PRKN: variants seen among roughly 807,000 people sequenced by gnomAD.
The protein encoded by PRKN is E3 ubiquitin-protein ligase parkin.
PRKN carries 56 observed loss-of-function variants against 59.5 expected under a neutral mutation model. The observed-to-expected ratio is 0.94, with a 90% confidence interval of 0.76 to 1.18. The LOEUF (loss-of-function observed/expected upper bound fraction) is 1.18. PRKN is among the 50% of genes most tolerant of loss of function. The pLI is 0.00. For missense variants in PRKN, 657 were observed against 596.4 expected (o/e 1.10, Z -1.06); for synonymous variants, 250 against 222.1 (o/e 1.13, Z -1.12).
At chr6:162,126,872 T>G (rs1781147781) in intron 4 of PRKN, among the ~76,000 whole-genome samples, 1 of 152,238 alleles carries the variant, frequency 6.6e-6, no homozygotes, top group Non-Finnish European at 1.5e-5. Flanking sequence ...TGTTTAATAT[T>G]TTCCTCATGT....
At chr6:162,060,909 A>G (rs1778076182) in intron 4 of PRKN, among the ~76,000 whole-genome samples, 1 of 152,226 alleles carries the variant, frequency 6.6e-6, no homozygotes, top group Middle Eastern at 3.2e-3. Flanking sequence ...CTCTTGAATA[A>G]TCCACAAACA....
At chr6:162,638,497 C>T (rs1321005562) in intron 1 of PRKN, among the ~76,000 whole-genome samples, 2 of 152,098 alleles carry the variant, frequency 1.3e-5, no homozygotes, top group African/African-American at 4.8e-5. Context: ...TATACCCTTC[C>T]GCCTCCCATC....
intron 2 of PRKN, among the ~76,000 whole-genome samples, chr6:162,387,698 C>A (rs766813583): frequency 2.0e-5 from 3 of 151,898 alleles, no homozygotes; most frequent in Non-Finnish European, 4.4e-5. Flanking sequence ...AAAGTGGAAT[C>A]AACAGAGCAT....
At chr6:162,311,607 C>A (rs1050216650) in intron 2 of PRKN, among the ~76,000 whole-genome samples, 1 of 151,594 alleles carries the variant, frequency 6.6e-6, no homozygotes, top group African/African-American at 2.4e-5. Context: ...CTCAGCCTCC[C>A]AAATAGCTGG....
chr6:162,692,690 A>G (rs963765812), intron 1 of PRKN, among the ~76,000 whole-genome samples: 54 of 152,322 alleles, frequency 3.5e-4, no homozygotes, highest in Middle Eastern at 3.4e-3. Flanking sequence ...CAAATCCACC[A>G]GGACAGGACA....
chr6:162,216,024 C>A (rs972426685), intron 3 of PRKN, among the ~76,000 whole-genome samples: 1 of 151,902 alleles, frequency 6.6e-6, no homozygotes, highest in Non-Finnish European at 1.5e-5. Context: ...CTCCAGCCTG[C>A]GCTACACAGT....
intron 4 of PRKN, among the ~76,000 whole-genome samples, chr6:162,126,273 T>A (rs1167351365): frequency 1.3e-5 from 2 of 152,192 alleles, no homozygotes; most frequent in African/African-American, 4.8e-5. Flanking sequence ...CATGTGGACG[T>A]GCTATCAGGG....
intron 1 of PRKN, among the ~76,000 whole-genome samples, chr6:162,464,212 A>AT (rs780719060): frequency 1.1e-4 from 17 of 151,744 alleles, no homozygotes; most frequent in Admixed American, 3.3e-4. Flanking sequence ...GGCGATTACT[A>AT]TTTTTTTTAC....
rs369547291 is a variant in PRKN, at chr6:162,616,377, T to C, written c.7+111285A>G. Among the ~76,000 whole-genome samples, 18 of 152,236 alleles carry C rather than the reference T, an allele frequency of 1.2e-4. No individual in the cohort carries two copies. The East Asian group carries it at 1.7e-3, about 15-fold the overall frequency. ...AGTCAATCAATCCTTGCTGAATAAA[T>C]AGACTTAGCAATGTGCACAACTTCT... On this transcript the variant is annotated intron_variant, in intron 1 of 11. Coordinates refer to ENST00000366898, the MANE Select transcript of PRKN (RefSeq NM_004562.3).
chr6:162,191,149 GCATT>G (rs1295537952), intron 4 of PRKN, among the ~76,000 whole-genome samples: 1 of 152,156 alleles, frequency 6.6e-6, no homozygotes, highest in Non-Finnish European at 1.5e-5. Context: ...AAACGGTGAT[GCATT>G]TACAAATGTG....
intron 4 of PRKN, among the ~76,000 whole-genome samples, chr6:162,137,208 C>T (rs1456863555): frequency 1.3e-5 from 2 of 151,982 alleles, no homozygotes; most frequent in Non-Finnish European, 2.9e-5. Flanking sequence ...GGAGGTCTGG[C>T]TGGGAATATA....
chr6:161,657,099 T>G (rs1784375925), intron 7 of PRKN, among the ~76,000 whole-genome samples: 1 of 152,180 alleles, frequency 6.6e-6, no homozygotes, highest in South Asian at 2.1e-4. Context: ...CAAAATTGAG[T>G]GCACAACAGT....
chr6:161,694,833 A>G (rs188832431), intron 7 of PRKN, among the ~76,000 whole-genome samples: 2 of 152,312 alleles, frequency 1.3e-5, no homozygotes, highest in Non-Finnish European at 2.9e-5. Flanking sequence ...TGCTGTGTAG[A>G]AAACAGAATT....
intron 6 of PRKN, among the ~76,000 whole-genome samples, chr6:161,932,220 G>A (rs927190307): frequency 6.6e-6 from 1 of 151,992 alleles, no homozygotes; most frequent in Non-Finnish European, 1.5e-5. Context: ...GATGTATCGT[G>A]TTAATTAAAA....
At position 161,378,557 on chromosome 6, in the gene PRKN, T is replaced by G. The variant is rs1052994829; in HGVS notation, c.1167+8237A>C. On this transcript the variant is annotated intron_variant, in intron 10 of 11. Coordinates refer to ENST00000366898, the MANE Select transcript of PRKN (RefSeq NM_004562.3). The surrounding 1 kb of genome is among the most constrained non-coding windows in gnomAD (Gnocchi z 7.3). ...CTCCTTTTCTGGGTGTGGGTTTGCC[T>G]TTCTTGGCAACAGAGCCTCAGCCAG... 9.2e-5 allele frequency among the ~76,000 whole-genome samples: 14 copies of G among 152,176 alleles called. No homozygotes were observed. The highest frequency in any genetic ancestry group is 6.5e-4 in the Admixed American group (10 of 15,290).
At chr6:161,714,969 C>A (rs924196250) in intron 7 of PRKN, among the ~76,000 whole-genome samples, 1 of 152,114 alleles carries the variant, frequency 6.6e-6, no homozygotes, top group African/African-American at 2.4e-5. Context: ...CTTAAGGATG[C>A]CATATTTGAA....
intron 6 of PRKN, among the ~76,000 whole-genome samples, chr6:161,833,678 A>G (rs1047201771): frequency 9.2e-5 from 14 of 152,098 alleles, no homozygotes; most frequent in African/African-American, 3.1e-4. Context: ...TGGTTATGCA[A>G]CCATTGAGAA....
intron 2 of PRKN, among the ~76,000 whole-genome samples, chr6:162,337,052 C>A (rs867236226): frequency 2.6e-5 from 4 of 152,204 alleles, no homozygotes; most frequent in African/African-American, 9.7e-5. Context: ...GCACACAGTA[C>A]TGTTTAAACA....
chr6:161,567,886 A>T (rs1780715433), intron 8 of PRKN, among the ~76,000 whole-genome samples: 1 of 152,192 alleles, frequency 6.6e-6, no homozygotes, highest in African/African-American at 2.4e-5. Flanking sequence ...TTGCTTTAAG[A>T]AGTCTTTAGG....
Sources: gnomAD v4.1 joint callset for allele counts (sites outside exome capture counted in the v4.1 genomes callset) on GRCh38, gnomAD v4.1.1 for gene constraint, Gnocchi (gnomAD v3.1) non-coding constraint, MANE v1.5 for transcripts, NCBI Gene and HGNC (gene_info 2026-07-23, HGNC 2026-07-21) for gene names.